Variants in MED13 observed in about 807,000 individuals in gnomAD.
MED13 encodes mediator of RNA polymerase II transcription subunit 13.
In MED13, 23 loss-of-function variants were observed where a neutral mutation model predicts 225.2. The observed-to-expected ratio is 0.10, with a 90% CI of 0.07 to 0.14. The LOEUF is 0.14. Among genes scored for constraint, MED13 ranks in the 10% least tolerant of loss-of-function variants. The pLI, the probability that MED13 is intolerant of heterozygous loss-of-function variation, is 1.00. For synonymous variants in MED13, 942 were observed against 889.2 expected, an observed-to-expected ratio of 1.06 and a Z score of -1.06; for missense variants, 2,197 against 2,594.5, an observed-to-expected ratio of 0.85 and a Z score of 3.33.
In MED13 at chr17:61,990,633, A is replaced by G. The variant is rs999158323; in HGVS notation, c.2263+1907T>C. 1.3e-4 allele frequency among the ~76,000 whole-genome samples: 19 copies of G among 145,868 alleles called. No homozygotes were observed. The East Asian group carries it at 1.9e-3, about 15-fold the overall frequency. ...CACACACTTGGCGCACTGTGTATAT[A>G]TATATATATATATATATACACACTC... On this transcript the variant is annotated intron_variant, in intron 11 of 29. Transcript: ENST00000397786.
chr17:62,029,622 A>T lies in MED13; in HGVS notation c.1202T>A (p.Leu401Gln). 6.2e-7 allele frequency: 1 copy of T among 1,614,028 alleles called. No homozygotes were observed. The change falls in exon 8 of 30, where the codon CTA (leucine) becomes CAA (glutamine). Residue 401 changes from leucine (L) to glutamine (Q), a missense_variant. Leu to Gln is a moderately radical substitution (Grantham distance 113). Around this residue, in one of 12 missense-constraint regions of MED13, gnomAD observed 884 missense variants for 918.5 expected, o/e 0.96. Coordinates refer to ENST00000397786, the MANE Select transcript of MED13 (RefSeq NM_005121.3). The stretch of plus-strand genomic sequence containing the variant: ...TTTAGCAGCTGTCGCTTCTTCGCAT[A>T]GACCACCTGATGAAGCAGAATACTT... ...KRKYSASSGG[L>Q]CEEATAAKVA...
chr17:62,030,659 A>C (rs529437282), intron 6 of MED13: 12 of 152,362 alleles, frequency 7.9e-5, no homozygotes, highest in African/African-American at 2.6e-4. Context: ...GAGCATGAGC[A>C]TATTTCCCCT....
intron 16 of MED13, among the ~76,000 whole-genome samples, chr17:61,981,753 ACTAT>A (rs559062784): frequency 6.7e-4 from 102 of 152,020 alleles, no homozygotes; most frequent in African/African-American, 2.1e-3. Flanking sequence ...ATTACTTCTT[ACTAT>A]CTATTATATG....
At chr17:62,015,944 ATATATATATATTTTTTTTTTTTTTTTTTT>A (rs2080571161) in intron 8 of MED13, among the ~76,000 whole-genome samples, 1 of 12,732 alleles carries the variant, frequency 7.9e-5, no homozygotes, top group African/African-American at 2.4e-4. Flanking sequence ...ATATATATAT[ATATATATATATTTTTTTTTTTTTTTTTTT>A]TTTTTTTTTT....
chr17:61,980,046 G>C (rs923110064), intron 16 of MED13, among the ~76,000 whole-genome samples: 3 of 152,044 alleles, frequency 2.0e-5, no homozygotes, highest in African/African-American at 7.2e-5. Context: ...AAAATTAGCC[G>C]GGTGTGGTGG....
chr17:62,008,652 G>A (rs1351550000), intron 9 of MED13, among the ~76,000 whole-genome samples: 1 of 151,912 alleles, frequency 6.6e-6, no homozygotes, highest in African/African-American at 2.4e-5. Context: ...GAAATACAAA[G>A]GATGCCAAAT....
At chr17:62,015,693 C>G (rs1190871597) in intron 8 of MED13, among the ~76,000 whole-genome samples, 3 of 149,348 alleles carry the variant, frequency 2.0e-5, no homozygotes, top group African/African-American at 7.4e-5. Flanking sequence ...CCCACCTCAG[C>G]CTCCCGAGTA....
intron 8 of MED13, among the ~76,000 whole-genome samples, chr17:62,015,784 T>C (rs576788779): frequency 7.2e-6 from 1 of 138,396 alleles, no homozygotes; most frequent in South Asian, 2.3e-4. Context: ...ACTATATATA[T>C]ATACACACAC....
At position 62,063,144 on chromosome 17, in the gene MED13, G is replaced by A. The variant is rs746713226; in HGVS notation, c.224C>T (p.Pro75Leu). Residue 75 changes from proline (P) to leucine (L), a missense_variant, in exon 2 of 30, where the codon CCT becomes CTT. Transcript: ENST00000397786. Reference protein sequence around the residue: ...VLGVWRRDQRPGRRELWIFWW... With the variant: ...VLGVWRRDQRLGRRELWIFWW... The stretch of plus-strand genomic sequence containing the variant: ...AAATATCCACAATTCTCTTCTTCCA[G>A]GTCTTTGATCTCGCCGCCAAACACC... 8 of 1,614,032 alleles carry A rather than the reference G, an allele frequency of 5.0e-6. No individual in the cohort carries two copies. The highest frequency in any genetic ancestry group is 6.8e-6 in the Non-Finnish European group (8 of 1,180,028).
intron 2 of MED13, among the ~76,000 whole-genome samples, chr17:62,060,771 C>CT (rs2143783742): frequency 6.6e-6 from 1 of 151,656 alleles, no homozygotes; most frequent in Non-Finnish European, 1.5e-5. Context: ...AAGATCTCGG[C>CT]TCACTGCAAC....
chr17:62,056,139 A>G (rs999121028), intron 2 of MED13, among the ~76,000 whole-genome samples: 1 of 152,226 alleles, frequency 6.6e-6, no homozygotes, highest in African/African-American at 2.4e-5. Flanking sequence ...ATAACGCTCA[A>G]TAAAGTCTGA....
chr17:62,010,984 G>A lies in MED13; in HGVS notation c.1533C>T (p.Ile511=). Residue 511 remains isoleucine (I), a synonymous_variant, in exon 9 of 30, where the codon ATC becomes ATT. Coordinates refer to ENST00000397786, the MANE Select transcript of MED13 (RefSeq NM_005121.3). ...GAGTCTTTGCTACATCATTAGTTCG[G>A]ATATTTGAAAATCTCACTTGACTGT... The part of the protein sequence containing the change: ...APDSQVRFSN[I]RTNDVAKTPQ... 1.9e-6 allele frequency: 3 copies of A among 1,613,588 alleles called. No individual in the cohort carries two copies. Among genetic ancestry groups the A allele is most frequent in the Non-Finnish European group, 2.5e-6 (3 of 1,179,526 alleles).
At chr17:61,956,275 G>A in intron 24 of MED13, 64 bp downstream of exon 24, 1 of 1,497,548 alleles carries the variant, frequency 6.7e-7, no homozygotes, top group Non-Finnish European at 9.1e-7. Flanking sequence ...CCTAGACGTG[G>A]TCAGAACTGT....
intron 9 of MED13, chr17:62,005,933 C>T (rs376206201): frequency 2.0e-5 from 3 of 152,078 alleles, no homozygotes; most frequent in East Asian, 1.9e-4. Flanking sequence ...CACAGCAGCC[C>T]GGAACTCCTG....
chr17:61,998,925 CTTT>C (rs10617153), intron 9 of MED13, among the ~76,000 whole-genome samples: 1,379 of 103,838 alleles, frequency 0.013, 31 homozygotes, highest in African/African-American at 0.033. Context: ...TTAAATGGTA[CTTT>C]TTTTTTTTTT....
intron 28 of MED13, 34 bp from the exon 29 acceptor site, chr17:61,947,051 A>G: frequency 6.9e-7 from 1 of 1,459,438 alleles, no homozygotes; most frequent in Non-Finnish European, 9.6e-7. Flanking sequence ...TCAGTCAGCC[A>G]AACAGAAAAT....
At chr17:61,987,481 T>A (rs2080258246) in intron 11 of MED13, among the ~76,000 whole-genome samples, 1 of 152,030 alleles carries the variant, frequency 6.6e-6, no homozygotes, top group South Asian at 2.1e-4. Context: ...AATGACCACA[T>A]AAGTACTATT....
chr17:62,034,450 G>A (rs1383957694), intron 4 of MED13, among the ~76,000 whole-genome samples: 1 of 145,844 alleles, frequency 6.9e-6, no homozygotes, highest in Non-Finnish European at 1.5e-5. Flanking sequence ...TGGCACCACT[G>A]CACTCTAGCC....
intron 8 of MED13, among the ~76,000 whole-genome samples, chr17:62,025,217 T>C (rs191271374): frequency 2.0e-5 from 3 of 152,352 alleles, no homozygotes; most frequent in East Asian, 3.9e-4. Context: ...AACTCTGCCA[T>C]TGTGGGGTAA....
Sources: gnomAD v4.1 joint callset for allele counts (sites outside exome capture counted in the v4.1 genomes callset) on GRCh38, gnomAD v4.1.1 for gene constraint, gnomAD v4.1.1 regional missense constraint, MANE v1.5 for transcripts, NCBI Gene and HGNC (gene_info 2026-07-23, HGNC 2026-07-21) for gene names.